The following IGSF10 variants were observed in gnomAD, a reference collection of about 807,000 sequenced individuals.
IGSF10 encodes calvaria mechanical force protein 608.
In IGSF10, 126 loss-of-function variants were observed where a neutral mutation model predicts 128.2. The observed-to-expected ratio is 0.98, with a 90% CI of 0.85 to 1.14. The LOEUF is 1.14. Ranked by LOEUF, IGSF10 falls within the 50% of genes most tolerant of loss-of-function variation. The pLI is 0.00. For missense variants in IGSF10, 3,295 were observed against 3,149.8 expected (o/e 1.05, Z -1.10); for synonymous variants, 1,185 against 1,146.2 (o/e 1.03, Z -0.68).
chr3:151,525,267 C>G, the IGSF10 span, among the ~76,000 whole-genome samples: 50,724 of 151,730 alleles, frequency 0.33, 8,897 homozygotes, highest in Middle Eastern at 0.44. Flanking sequence ...GAGTAGTTTA[C>G]GGAAGTACAA....
rs1381327795 is a variant in IGSF10, at chr3:151,443,029, AT to A, written c.5917del (p.Ile1973Ter). The A allele has an allele frequency of 6.2e-7, 1 of 1,614,152 alleles. No homozygotes were observed. The highest frequency in any genetic ancestry group is 1.7e-5 in the Admixed American group (1 of 60,028). The part of the protein sequence containing the change: ...CSATGEPKPQ[I>X]MWRLPSKAVV... ...AGCCTTGGATGGTAACCTCCACATT[AT>A]TTGGGGTTTGGGCTCCCCAGTGGCT... is the stretch of plus-strand genomic sequence containing the variant. On this transcript the variant is annotated frameshift_variant, in exon 7 of 8. Transcript: ENST00000282466. LOFTEE classifies it low-confidence loss of function (END_TRUNC).
intron 5 of IGSF10, among the ~76,000 whole-genome samples, chr3:151,449,790 G>C (rs920531815): frequency 1.3e-5 from 2 of 152,054 alleles, no homozygotes; most frequent in Non-Finnish European, 2.9e-5. Context: ...TGAATTACAG[G>C]GTACCTTGAC....
At chr3:151,504,329 A>G in the IGSF10 span, among the ~76,000 whole-genome samples, 14 of 152,210 alleles carry the variant, frequency 9.2e-5, no homozygotes, top group Admixed American at 2.6e-4. Context: ...TGGTTTCATC[A>G]TAGAGTTGGG....
chr3:151,611,326 A>G, the IGSF10 span, among the ~76,000 whole-genome samples: 1 of 152,220 alleles, frequency 6.6e-6, no homozygotes, highest in African/African-American at 2.4e-5. Flanking sequence ...TCCAAATCTT[A>G]AAGTACTAAT....
chr3:151,489,897 C>T, the IGSF10 span, among the ~76,000 whole-genome samples: 1 of 151,862 alleles, frequency 6.6e-6, no homozygotes, highest in Non-Finnish European at 1.5e-5. Context: ...GTGCAGCAAA[C>T]CACCATGGCA....
the IGSF10 span, among the ~76,000 whole-genome samples, chr3:151,493,784 G>T: frequency 6.6e-6 from 1 of 151,916 alleles, no homozygotes; most frequent in African/African-American, 2.4e-5. Flanking sequence ...CCATAATATG[G>T]TGTAAACCTC....
chr3:151,588,204 T>C, the IGSF10 span, among the ~76,000 whole-genome samples: 1 of 152,202 alleles, frequency 6.6e-6, no homozygotes, highest in South Asian at 2.1e-4. Context: ...GACAGATGCA[T>C]GAAAAGGACC....
chr3:151,441,189 GC>G (rs1720828834), intron 7 of IGSF10, among the ~76,000 whole-genome samples: 1 of 152,190 alleles, frequency 6.6e-6, no homozygotes, highest in Non-Finnish European at 1.5e-5. Flanking sequence ...AAGATCTGAT[GC>G]AACTGGAGAT....
At chr3:151,607,846 T>G in the IGSF10 span, among the ~76,000 whole-genome samples, 1 of 135,112 alleles carries the variant, frequency 7.4e-6, no homozygotes, top group Admixed American at 8.8e-5. Context: ...GGGAGGCAGA[T>G]CTTGCAGTGA....
chr3:151,610,000 A>G, the IGSF10 span, among the ~76,000 whole-genome samples: 1 of 152,178 alleles, frequency 6.6e-6, no homozygotes. Context: ...AAAAATTGAA[A>G]TGACTTTAAA....
the IGSF10 span, among the ~76,000 whole-genome samples, chr3:151,491,096 C>A: frequency 8.6e-4 from 130 of 152,016 alleles, no homozygotes; most frequent in South Asian, 0.011. Context: ...AATTGACAAA[C>A]CCTTAGCTAG....
At chr3:151,598,110 T>TGTGTGTGTGTGA in the IGSF10 span, among the ~76,000 whole-genome samples, 8 of 148,542 alleles carry the variant, frequency 5.4e-5, no homozygotes, top group South Asian at 6.4e-4. Context: ...TGTGTGTGTG[T>TGTGTGTGTGTGA]GAATACTTCA....
the IGSF10 span, among the ~76,000 whole-genome samples, chr3:151,470,168 C>T: frequency 1.9e-4 from 29 of 152,288 alleles, no homozygotes; most frequent in East Asian, 1.9e-3. Context: ...AAATTCTACT[C>T]TCATTCAGTA....
chr3:151,459,623 C>G (rs1721957949), intron 2 of IGSF10, among the ~76,000 whole-genome samples: 1 of 151,942 alleles, frequency 6.6e-6, no homozygotes, highest in Admixed American at 6.5e-5. Flanking sequence ...ATGGCTGCCA[C>G]AGGAGGTGGG....
At chr3:151,435,802 A>AT (rs1205230190), downstream of IGSF10, 1 of 151,684 alleles carries the variant, frequency 6.6e-6, no homozygotes, top group African/African-American at 2.4e-5. Flanking sequence ...GATTGATCAG[A>AT]TTTTAAATAC....
intron 3 of IGSF10, among the ~76,000 whole-genome samples, chr3:151,457,998 G>C (rs1327634912): frequency 6.6e-6 from 1 of 151,948 alleles, no homozygotes; most frequent in Non-Finnish European, 1.5e-5. Context: ...GACACACACA[G>C]ACTTTTTTTT....
At chr3:151,500,950 G>A in the IGSF10 span, among the ~76,000 whole-genome samples, 124,288 of 151,940 alleles carry the variant, frequency 0.82, 50,918 homozygotes, top group Middle Eastern at 0.93. Context: ...TTTCCCTTCA[G>A]GGAAAGGTGC....
chr3:151,587,474 G>A, the IGSF10 span, among the ~76,000 whole-genome samples: 1 of 152,096 alleles, frequency 6.6e-6, no homozygotes, highest in East Asian at 1.9e-4. Flanking sequence ...ACTACTTGCA[G>A]TACTTGAATG....
At chr3:151,526,266 C>T in the IGSF10 span, among the ~76,000 whole-genome samples, 41 of 151,482 alleles carry the variant, frequency 2.7e-4, no homozygotes, top group African/African-American at 9.4e-4. Context: ...TTGTCTAAGG[C>T]TGGAAGCCTT....
Sources: allele counts gnomAD v4.1 joint callset (sites outside exome capture counted in the v4.1 genomes callset), GRCh38; gene constraint gnomAD v4.1.1; transcripts MANE v1.5; gene names NCBI Gene and HGNC (gene_info 2026-07-23, HGNC 2026-07-21).